DHX36: variants seen among roughly 807,000 people sequenced by gnomAD.
The protein encoded by DHX36 is DEAH-box helicase 36.
Under a neutral mutation model 139.0 loss-of-function variants are expected in DHX36, and 50 were observed. That is an observed-to-expected ratio of 0.36 (90% CI 0.29 to 0.46). The LOEUF is 0.46. Ranked by LOEUF, DHX36 falls within the 20% of genes least tolerant of loss-of-function variation. The pLI, the probability that DHX36 is intolerant of heterozygous loss-of-function variation, is 1.00. For missense variants in DHX36, 1,024 were observed against 1,211.3 expected, an observed-to-expected ratio of 0.85 and a Z score of 2.29; for synonymous variants, 425 against 401.9, an observed-to-expected ratio of 1.06 and a Z score of -0.69.
At chr3:154,323,008 TAAAAGAAATA>T (rs1418769935) in intron 1 of DHX36, among the ~76,000 whole-genome samples, 4 of 152,116 alleles carry the variant, frequency 2.6e-5, no homozygotes, top group African/African-American at 7.2e-5. Context: ...ATGACATGGT[TAAAAGAAATA>T]AAAAGAAATG....
At chr3:154,288,343 T>C (rs945359377) in intron 17 of DHX36, among the ~76,000 whole-genome samples, 1 of 151,680 alleles carries the variant, frequency 6.6e-6, no homozygotes, top group Non-Finnish European at 1.5e-5. Flanking sequence ...TGAAGATGCA[T>C]ACTTGTAAAA....
chr3:154,276,923 T>C (rs1382381710), intron 23 of DHX36, 24 bp from the exon 24 acceptor site: 1 of 1,596,766 alleles, frequency 6.3e-7, no homozygotes, highest in South Asian at 1.1e-5. Flanking sequence ...TAAAGTGAAT[T>C]AATACATTCA....
At position 154,276,340 on chromosome 3, in the gene DHX36, A is replaced by G; in HGVS notation, c.2858T>C (p.Leu953Pro). The part of the protein sequence containing the change: ...AHLVKELRKE[L>P]DILLQEKIES... ...AATCTTCTCTTGCAGAAGAATATCT[A>G]GTTCCTTTCTTAATTCCTAAGGTTG... is the stretch of plus-strand genomic sequence containing the variant. The change falls in exon 25 of 25, where the codon CTA becomes CCA. Residue 953 changes from leucine (L) to proline (P), a missense_variant. Leu to Pro is a moderately conservative substitution (Grantham distance 98). This residue lies in a region of DHX36 where 470 missense variants were observed against 616.2 expected (regional missense o/e 0.76). Coordinates refer to ENST00000496811, the MANE Select transcript of DHX36 (RefSeq NM_020865.3). The G allele has an allele frequency of 6.2e-7, 1 of 1,611,098 alleles. No individual in the cohort carries two copies. Among genetic ancestry groups the G allele is most frequent in the Non-Finnish European group, 8.5e-7 (1 of 1,179,408 alleles).
intron 20 of DHX36, among the ~76,000 whole-genome samples, chr3:154,282,125 T>C (rs1275623643): frequency 6.6e-6 from 1 of 152,070 alleles, no homozygotes; most frequent in Non-Finnish European, 1.5e-5. Context: ...GTTCATTTCA[T>C]TATTTCCATT....
chr3:154,297,433 C>G (rs1712086317), intron 12 of DHX36, among the ~76,000 whole-genome samples: 1 of 152,218 alleles, frequency 6.6e-6, no homozygotes, highest in Admixed American at 6.5e-5. Context: ...CTAGTTTTGG[C>G]TGGGTGCAGT....
Position 154,304,912 on chromosome 3 carries a change from T to G in DHX36, c.1029A>C (p.Ser343=). 1 of 1,612,254 alleles carries G rather than the reference T, an allele frequency of 6.2e-7. No individual in the cohort carries two copies. Among genetic ancestry groups the G allele is most frequent in the South Asian group, 1.1e-5 (1 of 90,524 alleles). ...LDEIHERNLQ[S]DVLMTVVKDL... is the part of the protein sequence containing the mutation. ...CTTTAACAACAGTCATTAAAACATC[T>G]GACTGCAGATTTCTTTCATGGATTT... Residue 343 remains serine, a synonymous_variant, in exon 8 of 25, where the codon TCA becomes TCC. Coordinates refer to ENST00000496811, the MANE Select transcript of DHX36 (RefSeq NM_020865.3).
rs1191654012 is a variant in DHX36 at position 154,304,816 on chromosome 3, T to G, written c.1125A>C (p.Ser375=). 2 of 1,560,186 alleles carry G rather than the reference T, an allele frequency of 1.3e-6. No homozygotes were observed. The highest frequency in any genetic ancestry group is 2.8e-5 in the African/African-American group (2 of 72,458). The change falls in exon 8 of 25, where the codon TCA becomes TCC. Residue 375 remains serine (S), a synonymous_variant. Transcript: ENST00000496811. ...MSATLNAEKF[S]EYFGNCPMIH... Reference sequence around the variant, plus strand: ...ATACATTTTACTCACCAAAATATTCTGAAAACTTTTCTGCATTCAATGTTG... The same window carrying G: ...ATACATTTTACTCACCAAAATATTCGGAAAACTTTTCTGCATTCAATGTTG...
At chr3:154,313,610 G>A (rs1379144616) in intron 3 of DHX36, among the ~76,000 whole-genome samples, 1 of 152,128 alleles carries the variant, frequency 6.6e-6, no homozygotes, top group African/African-American at 2.4e-5. Context: ...AGCCCAGGAG[G>A]TCGAGGCTGC....
At chr3:154,300,520 C>A in intron 11 of DHX36, 74 bp downstream of exon 11, 1 of 1,177,674 alleles carries the variant, frequency 8.5e-7, no homozygotes. Context: ...TTTAAGAAAA[C>A]TGTATTTTTC....
At chr3:154,314,434 G>A (rs1199026685) in intron 3 of DHX36, among the ~76,000 whole-genome samples, 1 of 152,112 alleles carries the variant, frequency 6.6e-6, no homozygotes, top group Non-Finnish European at 1.5e-5. Context: ...GGCCCTCAGA[G>A]TTTCCTCAGT....
intron 5 of DHX36, among the ~76,000 whole-genome samples, chr3:154,307,663 G>A (rs921658967): frequency 1.3e-5 from 2 of 151,976 alleles, no homozygotes; most frequent in African/African-American, 4.8e-5. Flanking sequence ...ACATACTGTT[G>A]GTAGGAATGC....
intron 22 of DHX36, chr3:154,278,824 T>C (rs1426036351): frequency 3.3e-5 from 5 of 152,194 alleles, no homozygotes; most frequent in Non-Finnish European, 7.3e-5. Context: ...ATCAAAATCA[T>C]GAATCATGGT....
At chr3:154,286,088 A>C (rs1711540166) in intron 17 of DHX36, among the ~76,000 whole-genome samples, 1 of 149,754 alleles carries the variant, frequency 6.7e-6, no homozygotes, top group African/African-American at 2.4e-5. Context: ...CAGAAGCAGA[A>C]GATATTTGAT....
At chr3:154,286,462 C>T (rs186557557) in intron 17 of DHX36, among the ~76,000 whole-genome samples, 114 of 151,188 alleles carry the variant, frequency 7.5e-4, no homozygotes, top group Admixed American at 1.3e-3. Flanking sequence ...TTATCAGACT[C>T]GAAAGATGAT....
chr3:154,297,856 A>G (rs986570044), intron 12 of DHX36, among the ~76,000 whole-genome samples: 2 of 152,218 alleles, frequency 1.3e-5, no homozygotes, highest in Non-Finnish European at 2.9e-5. Context: ...TGTTGACACC[A>G]TACAACTAAG....
intron 1 of DHX36, among the ~76,000 whole-genome samples, chr3:154,318,693 A>T (rs921067438): frequency 6.6e-6 from 1 of 152,226 alleles, no homozygotes; most frequent in South Asian, 2.1e-4. Flanking sequence ...CTGCTAATCA[A>T]TAAGGAATTA....
At chr3:154,289,455 AAC>A (rs1711697540) in intron 16 of DHX36, among the ~76,000 whole-genome samples, 1 of 152,232 alleles carries the variant, frequency 6.6e-6, no homozygotes, top group South Asian at 2.1e-4. Flanking sequence ...TGCCCAATAT[AAC>A]AGAACTAGCT....
At chr3:154,299,650 G>A (rs1348837858) in intron 12 of DHX36, 188 bp downstream of exon 12, 1 of 599,562 alleles carries the variant, frequency 1.7e-6, no homozygotes, top group African/African-American at 1.9e-5. Context: ...TATGCTTTAA[G>A]AGCCAATTTT....
chr3:154,316,813 A>G (rs1713003305), intron 1 of DHX36, among the ~76,000 whole-genome samples: 1 of 152,046 alleles, frequency 6.6e-6, no homozygotes, highest in Admixed American at 6.5e-5. Flanking sequence ...AAAAAAAAAA[A>G]AAGAGAATGA....
Sources: allele counts gnomAD v4.1 joint callset (sites outside exome capture counted in the v4.1 genomes callset), GRCh38; gene constraint gnomAD v4.1.1; regional missense constraint gnomAD v4.1.1; transcripts MANE v1.5; gene names NCBI Gene and HGNC (gene_info 2026-07-23, HGNC 2026-07-21).